Variants in LRBA observed in about 807,000 individuals in gnomAD.
LRBA encodes lipopolysaccharide-responsive and beige-like anchor protein.
Under a neutral mutation model 330.0 loss-of-function variants are expected in LRBA, and 176 were observed. The ratio of observed to expected loss-of-function variants is 0.53; its 90% CI spans 0.47 to 0.60. The LOEUF (loss-of-function observed/expected upper bound fraction) is 0.60. Ranked by LOEUF, LRBA falls within the 20% of genes least tolerant of loss-of-function variation. The probability of loss-of-function intolerance (pLI) is 0.00; values close to 1 mark genes in which losing one functional copy is unlikely to be tolerated. For missense variants in LRBA, 3,259 were observed against 3,444.8 expected (o/e 0.95, Z 1.35); for synonymous variants, 1,230 against 1,193.0 (o/e 1.03, Z -0.64).
chr4:150,385,747 A>T (rs1742964577), intron 47 of LRBA, among the ~76,000 whole-genome samples: 1 of 152,090 alleles, frequency 6.6e-6, no homozygotes, highest in Non-Finnish European at 1.5e-5. Flanking sequence ...TGTGGAAAAA[A>T]GAGGGAGGAG....
chr4:150,799,964 C>T (rs896600618), intron 33 of LRBA, among the ~76,000 whole-genome samples: 13 of 152,158 alleles, frequency 8.5e-5, no homozygotes, highest in South Asian at 8.3e-4. Context: ...ACGCTGGTCT[C>T]GAACTCCTGA....
chr4:150,509,472 T>C (rs1484355620), intron 40 of LRBA, among the ~76,000 whole-genome samples: 1 of 151,950 alleles, frequency 6.6e-6, no homozygotes, highest in East Asian at 1.9e-4. Context: ...TTTTCAGTGA[T>C]TTTGACATCC....
intron 35 of LRBA, among the ~76,000 whole-genome samples, chr4:150,749,189 T>C (rs928039220): frequency 6.6e-6 from 1 of 152,112 alleles, no homozygotes; most frequent in Non-Finnish European, 1.5e-5. Context: ...AAAAGCTTCA[T>C]GACCCTGAAT....
At chr4:150,291,115 C>A in intron 53 of LRBA, among the ~76,000 whole-genome samples, 1 of 123,388 alleles carries the variant, frequency 8.1e-6, no homozygotes, top group Admixed American at 9.1e-5. Flanking sequence ...CCTCCCCCCA[C>A]CCCACCACAG....
chr4:150,992,785 T>TG lies in LRBA; in HGVS notation c.216+21641dup, dbSNP rs1297712152. Reference sequence around the variant, plus strand: ...TACAGATTTGTTTGATAATCCAAGTTGGGGGGAGAATCATCTGGCTTCCAT... The same window carrying TG: ...TACAGATTTGTTTGATAATCCAAGTTGGGGGGGAGAATCATCTGGCTTCCAT... On this transcript the variant is annotated intron_variant, in intron 2 of 56. Transcript: ENST00000651943. Among the ~76,000 whole-genome samples the TG allele has an allele frequency of 2.6e-5, 4 of 152,262 alleles. No homozygotes were observed. In the East Asian group the frequency reaches 7.7e-4, roughly 29 times the overall value.
chr4:150,828,476 T>G lies in LRBA; in HGVS notation c.4875A>C (p.Thr1625=). Residue 1625 remains threonine (T), a synonymous_variant, in exon 30 of 57, where the codon ACA becomes ACC. Transcript: ENST00000651943. ...GGCCTGCACTGACACCAGGAGGTGC[T>G]GTGTGAGGAGTTACTTCCACATGGC... ...LGSHVEVTPH[T]APPGVSAGPD... 6.2e-7 allele frequency: 1 copy of G among 1,614,124 alleles called. No individual in the cohort carries two copies. Among genetic ancestry groups the G allele is most frequent in the Non-Finnish European group, 8.5e-7 (1 of 1,179,998 alleles).
chr4:150,564,390 G>A (rs941590980), intron 40 of LRBA, among the ~76,000 whole-genome samples: 2 of 152,150 alleles, frequency 1.3e-5, no homozygotes, highest in African/African-American at 4.8e-5. Flanking sequence ...ATTAATTCAA[G>A]ATGGATTAAA....
intron 50 of LRBA, among the ~76,000 whole-genome samples, chr4:150,319,938 A>T (rs774607190): frequency 2.0e-5 from 3 of 152,212 alleles, no homozygotes; most frequent in Non-Finnish European, 2.9e-5. Flanking sequence ...CTTTATGCAC[A>T]CTTCAGAGAT....
chr4:150,838,160 G>A (rs1052294263), intron 28 of LRBA, among the ~76,000 whole-genome samples: 13 of 152,120 alleles, frequency 8.5e-5, no homozygotes, highest in African/African-American at 1.9e-4. Context: ...CAAGAGATCC[G>A]CTCTTAGTCT....
chr4:150,998,494 C>T (rs1156640012), intron 2 of LRBA, among the ~76,000 whole-genome samples: 1 of 152,016 alleles, frequency 6.6e-6, no homozygotes, highest in Non-Finnish European at 1.5e-5. Flanking sequence ...GGTAGGACTA[C>T]AGGCACACAC....
At chr4:150,268,869 A>C (rs951548826) in intron 56 of LRBA, among the ~76,000 whole-genome samples, 1 of 152,208 alleles carries the variant, frequency 6.6e-6, no homozygotes, top group South Asian at 2.1e-4. Flanking sequence ...CTCTTATCCA[A>C]CAGTACTGAA....
intron 35 of LRBA, among the ~76,000 whole-genome samples, chr4:150,758,212 C>T (rs111686637): frequency 9.9e-5 from 15 of 152,244 alleles, no homozygotes; most frequent in Non-Finnish European, 1.2e-4. Context: ...CCAGTAGGCC[C>T]GTTGGTCTTT....
intron 48 of LRBA, among the ~76,000 whole-genome samples, chr4:150,333,056 A>C (rs1734195150): frequency 6.6e-6 from 1 of 152,162 alleles, no homozygotes; most frequent in Non-Finnish European, 1.5e-5. Flanking sequence ...ACAGAATGAA[A>C]GGAAGAAAGA....
chr4:150,550,421 A>T (rs1766440810), intron 40 of LRBA, among the ~76,000 whole-genome samples: 1 of 152,196 alleles, frequency 6.6e-6, no homozygotes, highest in Admixed American at 6.5e-5. Context: ...CAAGTATCTT[A>T]AAAATGATTT....
In LRBA at chr4:150,896,434, T is replaced by A; in HGVS notation, c.2027A>T (p.Glu676Val). The A allele has an allele frequency of 6.5e-7, 1 of 1,543,414 alleles. No homozygotes were observed. Among genetic ancestry groups the A allele is most frequent in the Non-Finnish European group, 8.9e-7 (1 of 1,124,724 alleles). Residue 676 changes from glutamate to valine, a missense_variant, in exon 16 of 57, where the codon GAA (glutamate) becomes GTA (valine). Physicochemically the swap from Glu to Val is moderately radical, Grantham distance 121. Coordinates refer to ENST00000651943, the MANE Select transcript of LRBA (RefSeq NM_001364905.1). ...TAGGTAATTAAGAATGGCCTGTAATTCATCTTCCTTTACTCCAGAATCCTT... is the reference window on the plus strand; with the variant it reads ...TAGGTAATTAAGAATGGCCTGTAATACATCTTCCTTTACTCCAGAATCCTT... ...VMKDSGVKED[E>V]LQAILNYLLT...
intron 40 of LRBA, chr4:150,579,136 G>C: frequency 2.3e-6 from 1 of 429,624 alleles, no homozygotes; most frequent in South Asian, 1.7e-5. Flanking sequence ...TCCTTTAATA[G>C]AATATAGTAT....
At chr4:150,824,592 C>A (rs1309890285) in intron 30 of LRBA, among the ~76,000 whole-genome samples, 2 of 152,018 alleles carry the variant, frequency 1.3e-5, no homozygotes, top group Non-Finnish European at 2.9e-5. Flanking sequence ...CCTCTATATG[C>A]AGTTTTTTAA....
intron 40 of LRBA, among the ~76,000 whole-genome samples, chr4:150,566,046 G>A (rs985469000): frequency 7.0e-6 from 1 of 142,864 alleles, no homozygotes; most frequent in South Asian, 2.3e-4. Flanking sequence ...TGGGCAACAC[G>A]GCAAGATCCT....
At chr4:150,311,302 T>C (rs1187222095) in intron 51 of LRBA, 2 of 152,214 alleles carry the variant, frequency 1.3e-5, no homozygotes, top group African/African-American at 4.8e-5. Context: ...AGGATTCTGA[T>C]GCTGCTAAAG....
Sources: gnomAD v4.1 joint callset for allele counts (sites outside exome capture counted in the v4.1 genomes callset) on GRCh38, gnomAD v4.1.1 for gene constraint, MANE v1.5 for transcripts, NCBI Gene and HGNC (gene_info 2026-07-23, HGNC 2026-07-21) for gene names.